AEBP2: variants seen among roughly 807,000 people sequenced by gnomAD.
The protein encoded by AEBP2 is AE binding protein 2.
A neutral mutation model predicts 50.8 loss-of-function variants in AEBP2; 10 were observed. That is an observed-to-expected ratio of 0.20 (90% CI 0.12 to 0.33). The LOEUF (loss-of-function observed/expected upper bound fraction) is 0.33, where lower values mean the gene tolerates loss of function less well. Among genes scored for constraint, AEBP2 ranks in the 10% least tolerant of loss-of-function variants. AEBP2 has a pLI of 1.00. For synonymous variants in AEBP2, 296 were observed against 261.3 expected, an observed-to-expected ratio of 1.13 and a Z score of -1.28; for missense variants, 570 against 688.0, an observed-to-expected ratio of 0.83 and a Z score of 1.92.
intron 5 of AEBP2, 31 bp from the exon 6 acceptor site, chr12:19,512,367 T>G: frequency 7.1e-7 from 1 of 1,417,882 alleles, no homozygotes; most frequent in African/African-American, 1.4e-5. Context: ...TTACACATTG[T>G]TTTTATGATT....
intron 5 of AEBP2, among the ~76,000 whole-genome samples, chr12:19,511,310 G>C (rs978800838): frequency 3.3e-5 from 5 of 152,166 alleles, no homozygotes; most frequent in African/African-American, 9.7e-5. Flanking sequence ...TGCACAGAAA[G>C]CCCCGGAGAG....
intron 4 of AEBP2, among the ~76,000 whole-genome samples, chr12:19,498,286 T>G (rs192549844): frequency 1.3e-5 from 2 of 152,336 alleles, no homozygotes; most frequent in East Asian, 1.9e-4. Flanking sequence ...TTCTCAGAAC[T>G]CTCCCTTGCT....
chr12:19,475,820 T>C (rs1481251514), intron 3 of AEBP2, among the ~76,000 whole-genome samples: 1 of 152,200 alleles, frequency 6.6e-6, no homozygotes, highest in East Asian at 1.9e-4. Flanking sequence ...TTGTATATCT[T>C]CTTTTGAGAA....
chr12:19,480,239 G>A (rs1948707176), intron 3 of AEBP2, among the ~76,000 whole-genome samples: 1 of 152,048 alleles, frequency 6.6e-6, no homozygotes, highest in South Asian at 2.1e-4. Context: ...AAGTAGCTGG[G>A]ATTATAGGTG....
chr12:19,434,598 A>G (rs1222528084), upstream of AEBP2, among the ~76,000 whole-genome samples: 1 of 152,228 alleles, frequency 6.6e-6, no homozygotes, highest in African/African-American at 2.4e-5. Context: ...CAGTTTATGA[A>G]TGGGTACTGA....
rs750843512 is a variant in AEBP2, at chr12:19,440,344, C to T, written c.645C>T (p.Pro215=). 6.1e-6 allele frequency: 9 copies of T among 1,470,624 alleles called. No homozygotes were observed. Among genetic ancestry groups the T allele is most frequent in the African/African-American group, 5.8e-5 (4 of 68,592 alleles). The allele number at this position is 1,470,624 out of a possible 1,614,324, so 91.1% of individuals were successfully genotyped here. Residue 215 remains proline, a synonymous_variant, in exon 1 of 8, where the codon CCC becomes CCT. Transcript: ENST00000266508. ...TGGAGATGTCGTCGGATGGGGAACC[C>T]CTGAGCCGCATGGACTCGGAGGACA... ...GSLEMSSDGE[P]LSRMDSEDSI... is the part of the protein sequence containing the mutation.
chr12:19,417,622 G>A (rs2095743320), intron 1 of AEBP2, among the ~76,000 whole-genome samples: 1 of 151,310 alleles, frequency 6.6e-6, no homozygotes, highest in Non-Finnish European at 1.5e-5. Flanking sequence ...TGGCCAGGCT[G>A]ATCTCGAACT....
chr12:19,448,832 A>G (rs576087138), intron 1 of AEBP2, among the ~76,000 whole-genome samples: 418 of 152,120 alleles, frequency 2.7e-3, no homozygotes, highest in African/African-American at 9.4e-3. Flanking sequence ...GGCATGCACT[A>G]CCATGCCCAG....
intron 3 of AEBP2, among the ~76,000 whole-genome samples, chr12:19,475,512 G>T (rs2153372797): frequency 6.6e-6 from 1 of 151,978 alleles, no homozygotes; most frequent in Admixed American, 6.6e-5. Context: ...TGATTGAAGG[G>T]CACACTTGTG....
At chr12:19,490,155 G>T (rs1170652553) in intron 3 of AEBP2, among the ~76,000 whole-genome samples, 1 of 151,568 alleles carries the variant, frequency 6.6e-6, no homozygotes, top group African/African-American at 2.4e-5. Flanking sequence ...ACTCTTGATG[G>T]TAACATTACT....
At chr12:19,509,193 T>C (rs770154983) in intron 5 of AEBP2, 13 of 393,310 alleles carry the variant, frequency 3.3e-5, no homozygotes, top group Non-Finnish European at 5.4e-5. Flanking sequence ...GCTTTCCTTA[T>C]TAAGGAGTAG....
At chr12:19,437,854 G>A (rs192745765), upstream of AEBP2, among the ~76,000 whole-genome samples, 182 of 152,286 alleles carry the variant, frequency 1.2e-3, no homozygotes, top group African/African-American at 3.9e-3. Flanking sequence ...TAAGGCAGAG[G>A]ATGTAATACT....
At chr12:19,456,792 G>C in intron 1 of AEBP2, 1 of 1,572,044 alleles carries the variant, frequency 6.4e-7, no homozygotes, top group South Asian at 1.1e-5. Context: ...GTTGACTGGA[G>C]CAAAGGTGAC....
In AEBP2 at chr12:19,440,170, C is replaced by T. The variant is rs771958543; in HGVS notation, c.471C>T (p.Gly157=). 164 of 1,490,104 alleles carry T rather than the reference C, an allele frequency of 1.1e-4. No homozygotes were observed. Among genetic ancestry groups the T allele is most frequent in the Non-Finnish European group, 1.2e-4 (140 of 1,128,890 alleles). The allele number at this position is 1,490,104 out of a possible 1,614,324, so 92.3% of individuals were successfully genotyped here. A position where few individuals can be genotyped will look rare whatever the true frequency, so the allele number is the denominator to read the frequency against. The part of the protein sequence containing the change: ...SSSGDGDGKE[G]LEEPKGPRGS... ...GCGGGGATGGGGACGGCAAGGAGGGCCTGGAGGAGCCCAAGGGACCGCGGG... is the reference window on the plus strand; with the variant it reads ...GCGGGGATGGGGACGGCAAGGAGGGTCTGGAGGAGCCCAAGGGACCGCGGG... Residue 157 remains glycine, a synonymous_variant, in exon 1 of 8, where the codon GGC becomes GGT. Transcript: ENST00000266508.
intron 1 of AEBP2, among the ~76,000 whole-genome samples, chr12:19,412,940 T>C (rs1341818843): frequency 6.6e-6 from 1 of 152,176 alleles, no homozygotes; most frequent in Non-Finnish European, 1.5e-5. Context: ...GCCATGCCGC[T>C]TTCCCCGTCA....
At chr12:19,469,953 A>G (rs1475535685) in intron 2 of AEBP2, among the ~76,000 whole-genome samples, 3 of 152,106 alleles carry the variant, frequency 2.0e-5, no homozygotes, top group Admixed American at 6.6e-5. Context: ...TTGGTATTTG[A>G]TTTTTCAGGG....
intron 5 of AEBP2, among the ~76,000 whole-genome samples, chr12:19,512,110 C>T (rs1194293080): frequency 6.6e-6 from 1 of 152,074 alleles, no homozygotes; most frequent in Non-Finnish European, 1.5e-5. Context: ...CAACCGCCAC[C>T]TCCTGGGTTC....
chr12:19,486,393 T>G (rs1046882934), intron 3 of AEBP2, among the ~76,000 whole-genome samples: 16 of 152,280 alleles, frequency 1.1e-4, no homozygotes, highest in East Asian at 5.8e-4. Flanking sequence ...CTGCTATTTT[T>G]TTTTGTTTTG....
chr12:19,498,839 T>C (rs1372193555), intron 4 of AEBP2, among the ~76,000 whole-genome samples: 1 of 152,102 alleles, frequency 6.6e-6, no homozygotes, highest in Non-Finnish European at 1.5e-5. Context: ...TACTCTATAT[T>C]TGTGAAACGT....
Sources: allele counts gnomAD v4.1 joint callset (sites outside exome capture counted in the v4.1 genomes callset), GRCh38; gene constraint gnomAD v4.1.1; transcripts MANE v1.5; gene names NCBI Gene and HGNC (gene_info 2026-07-23, HGNC 2026-07-21).